The following NBAS variants were observed in gnomAD, a reference collection of about 807,000 sequenced individuals.
NBAS encodes NAG/BC035112 fusion.
A neutral mutation model predicts 302.5 loss-of-function variants in NBAS; 219 were observed. The ratio of observed to expected loss-of-function variants is 0.72; its 90% CI spans 0.65 to 0.81. The LOEUF (loss-of-function observed/expected upper bound fraction) is 0.81, where lower values mean the gene tolerates loss of function less well. NBAS is among the 30% of genes least tolerant of loss of function. The pLI, the probability that NBAS is intolerant of heterozygous loss-of-function variation, is 0.00. For synonymous variants in NBAS, 1,118 were observed against 1,021.6 expected (o/e 1.09, Z -1.80); for missense variants, 2,932 against 2,841.6 (o/e 1.03, Z -0.72).
chr2:15,405,817 A>G (rs570672123), intron 25 of NBAS, among the ~76,000 whole-genome samples: 7 of 152,308 alleles, frequency 4.6e-5, no homozygotes, highest in South Asian at 4.1e-4. Flanking sequence ...GGTAGATAGT[A>G]TAAACAGAGA....
Position 15,238,678 on chromosome 2 carries a change from C to G in NBAS, c.5733G>C (p.Val1911=), listed in dbSNP as rs764293410. The G allele has an allele frequency of 1.3e-6, 2 of 1,546,564 alleles. No individual in the cohort carries two copies. The highest frequency in any genetic ancestry group is 1.7e-6 in the Non-Finnish European group (2 of 1,156,214). ...FSPKAVTKLS[V]EARKEMTRKA... is the part of the protein sequence containing the mutation. ...TTCTAGTCATCTCTTTACGGGCTTC[C>G]ACAGACAGCTTAAAAAAAAGAATAG... Residue 1911 remains valine, a synonymous_variant, in exon 45 of 52, where the codon GTG becomes GTC. Coordinates refer to ENST00000281513, the MANE Select transcript of NBAS (RefSeq NM_015909.4).
Position 15,539,324 on chromosome 2 carries a change from C to T in NBAS, c.412G>A (p.Val138Ile). ...PKDPKPQWRRVAWSYDCTLLA... is the reference protein window; with the variant it reads ...PKDPKPQWRRIAWSYDCTLLA... ...AGGGTACAATCGTAACTCCATGCTA[C>T]CCGTCTCCACTGGGGTTTCGGGTCT... The change falls in exon 7 of 52, where the codon GTA becomes ATA. Residue 138 changes from valine to isoleucine, a missense_variant. Transcript: ENST00000281513. 6.2e-7 allele frequency: 1 copy of T among 1,614,246 alleles called. No individual in the cohort carries two copies. The highest frequency in any genetic ancestry group is 8.5e-7 in the Non-Finnish European group (1 of 1,180,056).
intron 12 of NBAS, among the ~76,000 whole-genome samples, chr2:15,485,109 TAAGGGTTTACCAATGA>T (rs1451525926): frequency 1.3e-5 from 2 of 151,932 alleles, no homozygotes; most frequent in African/African-American, 4.8e-5. Flanking sequence ...ATTAGAAAGC[TAAGGGTTTACCAATGA>T]GAGGCTTCCC....
At chr2:15,317,192 A>G (rs1312887932) in intron 38 of NBAS, among the ~76,000 whole-genome samples, 2 of 152,206 alleles carry the variant, frequency 1.3e-5, no homozygotes, top group Admixed American at 6.5e-5. Flanking sequence ...AACAGAAAGG[A>G]ATCGCATCAA....
the NBAS span, among the ~76,000 whole-genome samples, chr2:14,942,760 G>T: frequency 6.6e-6 from 1 of 152,194 alleles, no homozygotes; most frequent in African/African-American, 2.4e-5. Context: ...ACACAGTCTA[G>T]TCAGGCCTGG....
chr2:15,334,380 G>A (rs996195760), intron 35 of NBAS, among the ~76,000 whole-genome samples: 1 of 151,910 alleles, frequency 6.6e-6, no homozygotes. Flanking sequence ...CGTAGAGATG[G>A]AGTTTCACCG....
At chr2:15,253,433 CA>C (rs972154250) in intron 44 of NBAS, among the ~76,000 whole-genome samples, 4 of 152,078 alleles carry the variant, frequency 2.6e-5, no homozygotes, top group African/African-American at 7.2e-5. Flanking sequence ...AGAAGAGATG[CA>C]AAGGGTGCTG....
the NBAS span, among the ~76,000 whole-genome samples, chr2:15,059,163 C>T: frequency 2.0e-5 from 3 of 152,242 alleles, no homozygotes; most frequent in East Asian, 3.9e-4. Context: ...TGCAGAGGAA[C>T]GTGGATTCTT....
At chr2:14,834,859 C>T in the NBAS span, among the ~76,000 whole-genome samples, 1,091 of 152,076 alleles carry the variant, frequency 7.2e-3, 12 homozygotes, top group African/African-American at 0.025. Flanking sequence ...CAGATTAGCA[C>T]TGTAGGTGAG....
chr2:14,848,425 T>G, the NBAS span, among the ~76,000 whole-genome samples: 2 of 141,626 alleles, frequency 1.4e-5, no homozygotes, highest in East Asian at 3.9e-4. Flanking sequence ...CGGAGGGTCC[T>G]ACGCCCACGG....
chr2:15,519,409 T>C (rs1031221336), intron 9 of NBAS, among the ~76,000 whole-genome samples: 2 of 152,086 alleles, frequency 1.3e-5, no homozygotes, highest in African/African-American at 4.8e-5. Context: ...CCACAAGTTC[T>C]CATTTAGTTC....
chr2:14,789,622 C>A, the NBAS span, among the ~76,000 whole-genome samples: 1 of 152,124 alleles, frequency 6.6e-6, no homozygotes, highest in Non-Finnish European at 1.5e-5. Context: ...ATACTTAGAG[C>A]AAACACATGT....
At chr2:14,876,140 TTTTA>T in the NBAS span, among the ~76,000 whole-genome samples, 1 of 152,230 alleles carries the variant, frequency 6.6e-6, no homozygotes, top group African/African-American at 2.4e-5. Flanking sequence ...TTATTGTTCA[TTTTA>T]TTTATTATCA....
chr2:15,403,671 G>A (rs1676261150), intron 25 of NBAS, among the ~76,000 whole-genome samples: 1 of 151,914 alleles, frequency 6.6e-6, no homozygotes, highest in Admixed American at 6.6e-5. Context: ...GGCTTAAGAG[G>A]GGTACTAAAG....
At chr2:15,219,895 G>C (rs1289524561) in intron 47 of NBAS, among the ~76,000 whole-genome samples, 2 of 147,132 alleles carry the variant, frequency 1.4e-5, no homozygotes, top group Non-Finnish European at 3.0e-5. Context: ...TTCCCAGTAG[G>C]GGCGGCCGGG....
rs757669538 is a variant in NBAS at position 15,461,219 on chromosome 2, A to C, written c.2321T>G (p.Val774Gly). ...CACATACCAAGCTTCGGGCAGCAAAACAGAATATTCATGTGGAGAAGTGGT... is the reference window on the plus strand; with the variant it reads ...CACATACCAAGCTTCGGGCAGCAAACCAGAATATTCATGTGGAGAAGTGGT... ...PETTSPHEYS[V>G]LLPEACFNGD... The change falls in exon 21 of 52, where the codon GTT (valine) becomes GGT (glycine). Residue 774 changes from valine to glycine, a missense_variant. Coordinates refer to ENST00000281513, the MANE Select transcript of NBAS (RefSeq NM_015909.4). 5.0e-6 allele frequency: 8 copies of C among 1,613,784 alleles called. No individual in the cohort carries two copies. Among genetic ancestry groups the C allele is most frequent in the African/African-American group, 1.3e-5 (1 of 74,930 alleles).
rs759123968 is a variant in NBAS, at chr2:15,276,972, G to A, written c.5268C>T (p.His1756=). 8.4e-5 allele frequency: 135 copies of A among 1,613,808 alleles called. No homozygotes were observed. Among genetic ancestry groups the A allele is most frequent in the Non-Finnish European group, 1.0e-4 (122 of 1,179,944 alleles). The change falls in exon 43 of 52, where the codon CAC becomes CAT. Residue 1756 remains histidine, a synonymous_variant. Transcript: ENST00000281513. ...YIYPTIGGFD[H]ERLQYYFTLL... is the part of the protein sequence containing the mutation. ...GAGTGAAATAATACTGCAGCCTTTC[G>A]TGATCAAAGCCACCAATAGTAGGGT...
At chr2:15,499,268 C>A (rs1681190865) in intron 11 of NBAS, among the ~76,000 whole-genome samples, 1 of 152,158 alleles carries the variant, frequency 6.6e-6, no homozygotes, top group African/African-American at 2.4e-5. Context: ...GACTAATACA[C>A]TGGGGAATAT....
intron 51 of NBAS, chr2:15,178,080 A>G (rs539348999): frequency 1.5e-5 from 7 of 457,002 alleles, no homozygotes; most frequent in Admixed American, 4.9e-5. Context: ...CTTTTCATCA[A>G]CCTCTTCACT....
Sources: allele counts gnomAD v4.1 joint callset (sites outside exome capture counted in the v4.1 genomes callset), GRCh38; gene constraint gnomAD v4.1.1; transcripts MANE v1.5; gene names NCBI Gene and HGNC (gene_info 2026-07-23, HGNC 2026-07-21).